BRCC3: variants seen among roughly 807,000 people sequenced by gnomAD.
BRCC3 encodes the protein lys-63-specific deubiquitinase BRCC36.
Under a neutral mutation model 28.0 loss-of-function variants are expected in BRCC3, and 15 were observed. That is an observed-to-expected ratio of 0.54 (90% CI 0.36 to 0.82). The LOEUF (loss-of-function observed/expected upper bound fraction) is 0.82, where lower values mean the gene tolerates loss of function less well. BRCC3 is among the 40% of genes least tolerant of loss of function. The probability of loss-of-function intolerance (pLI) is 0.01; values close to 1 mark genes in which losing one functional copy is unlikely to be tolerated. For synonymous variants in BRCC3, 66 were observed against 80.3 expected, an observed-to-expected ratio of 0.82 and a Z score of 0.95; for missense variants, 109 against 225.9, an observed-to-expected ratio of 0.48 and a Z score of 3.32.
At chrX:155,084,461 C>G (rs186008907) in intron 5 of BRCC3, among the ~76,000 whole-genome samples, 77 of 111,405 alleles carry the variant, frequency 6.9e-4, no homozygotes, top group African/African-American at 2.4e-3. Flanking sequence ...CTCCCAGGTT[C>G]GCGCCATTCT....
chrX:155,072,290 T>C, intron 1 of BRCC3, 37 bp from the exon 2 acceptor site: 1 of 1,169,303 alleles, frequency 8.6e-7, no homozygotes, highest in Non-Finnish European at 1.2e-6. Flanking sequence ...ACAAACGTAA[T>C]GTGATCAATA....
At chrX:155,098,733 C>A (rs2074227147) in intron 7 of BRCC3, among the ~76,000 whole-genome samples, 1 of 112,315 alleles carries the variant, frequency 8.9e-6, no homozygotes, top group East Asian at 2.8e-4. Flanking sequence ...ATTTTCACAG[C>A]TTTTTCATTT....
intron 7 of BRCC3, among the ~76,000 whole-genome samples, chrX:155,105,028 T>A (rs782176071): frequency 1.8e-5 from 2 of 112,630 alleles, no homozygotes; most frequent in East Asian, 5.5e-4. Context: ...GGATTTTTTT[T>A]AACTCATACT....
Position 155,090,854 on chromosome X carries a change from G to C in BRCC3, c.548+15G>C, listed in dbSNP as rs781940693. 8.8e-7 allele frequency: 1 copy of C among 1,132,267 alleles called. No homozygotes were observed. Among genetic ancestry groups the C allele is most frequent in the Non-Finnish European group, 1.2e-6 (1 of 828,113 alleles). 93.3% of individuals were successfully genotyped at this position (1,132,267 alleles called of 1,213,427 possible). A position where few individuals can be genotyped will look rare whatever the true frequency, so the allele number is the denominator to read the frequency against. ...AAGAGTTCAGAGTAAGTATGAGAGA[G>C]ACTTATGTGTGTATTGGAGGGCTAA... is the stretch of plus-strand genomic sequence containing the variant. On this transcript the variant is annotated intron_variant, in intron 7 of 10. Transcript: ENST00000330045.
intron 7 of BRCC3, among the ~76,000 whole-genome samples, chrX:155,097,812 C>T (rs1048985634): frequency 4.5e-5 from 5 of 111,828 alleles, no homozygotes; most frequent in East Asian, 2.8e-4. Context: ...CGGGTTAACA[C>T]GGTGAAACCC....
In BRCC3 at chrX:155,106,729, C is replaced by G. The variant is rs6649622; in HGVS notation, c.549-9328C>G. On this transcript the variant is annotated intron_variant, in intron 7 of 10. Transcript: ENST00000330045. ...TTTTCTTTCACTGTCTAGGCTGTGACAGAAATGTAAGTAGCAGTGAGACAA... is the reference window on the plus strand; with the variant it reads ...TTTTCTTTCACTGTCTAGGCTGTGAGAGAAATGTAAGTAGCAGTGAGACAA... 2.4e-4 allele frequency among the ~76,000 whole-genome samples: 27 copies of G among 112,434 alleles called. No individual in the cohort carries two copies. In the East Asian group the frequency reaches 5.8e-3, roughly 24 times the overall value.
At chrX:155,105,997 C>T (rs1447761642) in intron 7 of BRCC3, among the ~76,000 whole-genome samples, 9 of 112,469 alleles carry the variant, frequency 8.0e-5, no homozygotes, top group African/African-American at 2.9e-4. Context: ...AAGACCCTGA[C>T]TATTCTTACA....
chrX:155,072,926 CAGAG>C (rs1557292830), intron 2 of BRCC3, among the ~76,000 whole-genome samples: 2 of 111,517 alleles, frequency 1.8e-5, no homozygotes, highest in African/African-American at 6.5e-5. Flanking sequence ...TTCTTAGTGA[CAGAG>C]AGCATATACG....
At chrX:155,085,678 C>T (rs781935562) in intron 5 of BRCC3, among the ~76,000 whole-genome samples, 1 of 112,541 alleles carries the variant, frequency 8.9e-6, no homozygotes, top group Non-Finnish European at 1.9e-5. Context: ...TTTCCTGTTG[C>T]TTTCCTTTCT....
chrX:155,080,860 A>G (rs929877094), intron 5 of BRCC3, among the ~76,000 whole-genome samples: 1 of 112,465 alleles, frequency 8.9e-6, no homozygotes, highest in Non-Finnish European at 1.9e-5. Context: ...CACACTTACC[A>G]TGGTAGCTGT....
chrX:155,107,483 G>A (rs1301974978), intron 7 of BRCC3, among the ~76,000 whole-genome samples: 1 of 109,896 alleles, frequency 9.1e-6, no homozygotes, highest in Non-Finnish European at 1.9e-5. Flanking sequence ...CTCCAGCCAT[G>A]TTCTCTCTCT....
At chrX:155,101,622 T>G (rs2074247574) in intron 7 of BRCC3, among the ~76,000 whole-genome samples, 1 of 112,020 alleles carries the variant, frequency 8.9e-6, no homozygotes, top group Non-Finnish European at 1.9e-5. Flanking sequence ...ATTACTATCA[T>G]TAGTTATTTT....
chrX:155,105,424 A>G (rs968428369), intron 7 of BRCC3, among the ~76,000 whole-genome samples: 1 of 111,688 alleles, frequency 9.0e-6, no homozygotes, highest in Non-Finnish European at 1.9e-5. Flanking sequence ...CGGAGGTTGC[A>G]GTGAGCCGAG....
At chrX:155,108,505 C>T (rs1286160812) in intron 7 of BRCC3, among the ~76,000 whole-genome samples, 2 of 112,234 alleles carry the variant, frequency 1.8e-5, no homozygotes, top group Non-Finnish European at 3.8e-5. Flanking sequence ...CACATCCTTG[C>T]CAACAGTGTA....
At chrX:155,072,671 C>T (rs997824210) in intron 2 of BRCC3, among the ~76,000 whole-genome samples, 1 of 111,297 alleles carries the variant, frequency 9.0e-6, no homozygotes, top group Non-Finnish European at 1.9e-5. Context: ...AAGCGATTCT[C>T]ATACTTCAGA....
chrX:155,110,252 G>A (rs1280712658), intron 7 of BRCC3, among the ~76,000 whole-genome samples: 2 of 111,114 alleles, frequency 1.8e-5, no homozygotes, highest in Admixed American at 9.5e-5. Context: ...CCCATATCTC[G>A]ATTTTCTGAA....
chrX:155,078,035 T>G (rs1189262777), intron 4 of BRCC3, among the ~76,000 whole-genome samples: 1 of 112,351 alleles, frequency 8.9e-6, no homozygotes, highest in Non-Finnish European at 1.9e-5. Flanking sequence ...AAGCACTTAC[T>G]AGGTGTTTGC....
intron 9 of BRCC3, among the ~76,000 whole-genome samples, chrX:155,117,184 G>A (rs1557298920): frequency 8.9e-6 from 1 of 111,885 alleles, no homozygotes; most frequent in Non-Finnish European, 1.9e-5. Context: ...TTTGTGAGCT[G>A]GCATGAATTG....
At chrX:155,083,799 C>G (rs1227174556) in intron 5 of BRCC3, among the ~76,000 whole-genome samples, 4 of 112,614 alleles carry the variant, frequency 3.6e-5, no homozygotes, top group Non-Finnish European at 5.6e-5. Flanking sequence ...AAAATCCCAT[C>G]TTATAAAACA....
Sources: allele counts gnomAD v4.1 joint callset (sites outside exome capture counted in the v4.1 genomes callset), GRCh38; gene constraint gnomAD v4.1.1; transcripts MANE v1.5; gene names NCBI Gene and HGNC (gene_info 2026-07-23, HGNC 2026-07-21).